The following MATN1 variants were observed in gnomAD, a reference collection of about 807,000 sequenced individuals.
The protein encoded by MATN1 is matrilin 1, also known as matrilin-1.
In MATN1, 34 loss-of-function variants were observed where a neutral mutation model predicts 41.3. The observed-to-expected ratio is 0.82, with a 90% CI of 0.63 to 1.10. The LOEUF (loss-of-function observed/expected upper bound fraction) is 1.10. MATN1 is among the 50% of genes least tolerant of loss of function. The pLI is 0.00. For missense variants in MATN1, 602 were observed against 662.4 expected (o/e 0.91, Z 1.00); for synonymous variants, 264 against 278.7 (o/e 0.95, Z 0.53).
rs1195707169 is a variant in MATN1, at chr1:30,713,226, CAG to C, written c.*354_*355del. On this transcript the variant is annotated 3_prime_UTR_variant, in exon 8 of 8. Transcript: ENST00000373765. ...AATCAGTAAAGAAATTCACAGCACT[CAG>C]AGTCAAGAAAGGGTTAACTAAAAAA... is the stretch of plus-strand genomic sequence containing the variant. 3.9e-5 allele frequency: 10 copies of C among 254,468 alleles called. No individual in the cohort carries two copies. Among genetic ancestry groups the C allele is most frequent in the African/African-American group, 2.0e-4 (9 of 45,606 alleles). The allele number at this position is 254,468 out of a possible 1,614,324, so 15.8% of individuals were successfully genotyped here.
chr1:30,717,641 G>GTTTTTT lies in MATN1; in HGVS notation c.665-727_665-726insAAAAAA, dbSNP rs1557450696. ...GGGCTCTGTTGTTTTTTGTGTGTGC[G>GTTTTTT]GTTTTTTTTTTTGTTTTGTTTTTTT... is the stretch of plus-strand genomic sequence containing the variant. On this transcript the variant is annotated intron_variant, in intron 3 of 7. Coordinates refer to ENST00000373765, the MANE Select transcript of MATN1 (RefSeq NM_002379.3). Among the ~76,000 whole-genome samples, 35 of 136,828 alleles carry GTTTTTT rather than the reference G, an allele frequency of 2.6e-4. 2 individuals carry two copies. Among genetic ancestry groups the GTTTTTT allele is most frequent in the African/African-American group, 1.0e-3 (34 of 33,920 alleles). 89.8% of individuals were successfully genotyped at this position (136,828 alleles called of 152,430 possible).
In MATN1 at chr1:30,715,238, C is replaced by T. The variant is rs1639600827; in HGVS notation, c.1279G>A (p.Val427Met). The T allele has an allele frequency of 6.2e-7, 1 of 1,614,120 alleles. No homozygotes were observed. Among genetic ancestry groups the T allele is most frequent in the South Asian group, 1.1e-5 (1 of 91,096 alleles). The change falls in exon 6 of 8, where the codon GTG (valine) becomes ATG (methionine). Residue 427 changes from valine to methionine, a missense_variant. Val to Met is a conservative substitution (Grantham distance 21). Coordinates refer to ENST00000373765, the MANE Select transcript of MATN1 (RefSeq NM_002379.3). ...GCCGTGTAGAAGTAGTGCTCTGCCA[C>T]AGGCTCTGAGGCTATTTCCCTCAGC... is the stretch of plus-strand genomic sequence containing the variant. Reference protein sequence around the residue: ...DELREIASEPVAEHYFYTADF... With the variant: ...DELREIASEPMAEHYFYTADF...
rs1348155908 is a variant in MATN1 at position 30,714,347 on chromosome 1, G to C, written c.1361-20C>G. The C allele has an allele frequency of 6.3e-7, 1 of 1,595,148 alleles. No individual in the cohort carries two copies. Among genetic ancestry groups the C allele is most frequent in the Non-Finnish European group, 8.6e-7 (1 of 1,167,830 alleles). On this transcript the variant is annotated intron_variant, in intron 6 of 7. Transcript: ENST00000373765. ...CTTCCTCTGCAGGGGACAAGGAGGA[G>C]GGAAAGAGAAAGGAACTGTTGAGTG...
In MATN1 at chr1:30,713,403, GCACACATACACACACGCACACATA is replaced by G; in HGVS notation, c.*155_*178del. 1.6e-6 allele frequency: 1 copy of G among 621,308 alleles called. No homozygotes were observed. Among genetic ancestry groups the G allele is most frequent in the Non-Finnish European group, 2.9e-6 (1 of 340,552 alleles). 38.5% of individuals were successfully genotyped at this position (621,308 alleles called of 1,614,324 possible). A position where few individuals can be genotyped will look rare whatever the true frequency, so the allele number is the denominator to read the frequency against. On this transcript the variant is annotated 3_prime_UTR_variant, in exon 8 of 8. Coordinates refer to ENST00000373765, the MANE Select transcript of MATN1 (RefSeq NM_002379.3). ...CACACACACACACACACACACACAT[GCACACATACACACACGCACACATA>G]CACACACGAGCTCCCAAACGCCATT...
At chr1:30,715,847 G>A (rs1302643358) in intron 5 of MATN1, 62 bp downstream of exon 5, 9 of 1,524,174 alleles carry the variant, frequency 5.9e-6, no homozygotes, top group Non-Finnish European at 7.1e-6. Flanking sequence ...CTACAGTTGG[G>A]CTATACCCGT....
At chr1:30,723,306 C>G in intron 1 of MATN1, 152 bp downstream of exon 1, 1 of 563,136 alleles carries the variant, frequency 1.8e-6, no homozygotes. Context: ...TCCCTGTCTG[C>G]TCCTGCACCA....
At chr1:30,716,689 C>T (rs772558930) in intron 4 of MATN1, 101 bp downstream of exon 4, 11 of 1,474,434 alleles carry the variant, frequency 7.5e-6, no homozygotes, top group Non-Finnish European at 1.0e-5. Context: ...AAGATTGGTT[C>T]AGAGGTATGG....
Position 30,713,550 on chromosome 1 carries a change from G to A in MATN1, c.*32C>T, listed in dbSNP as rs934196317. ...AAGCTACGGCGGACACGTGCAGGACGCTTGGAGAGGCCACAGTGGTGACAG... is the reference window on the plus strand; with the variant it reads ...AAGCTACGGCGGACACGTGCAGGACACTTGGAGAGGCCACAGTGGTGACAG... On this transcript the variant is annotated 3_prime_UTR_variant, in exon 8 of 8. Transcript: ENST00000373765. 11 of 1,551,670 alleles carry A rather than the reference G, an allele frequency of 7.1e-6. No homozygotes were observed. The highest frequency in any genetic ancestry group is 2.4e-5 in the East Asian group (1 of 41,014).
rs538166692 is a variant in MATN1 at position 30,719,022 on chromosome 1, G to C, written c.442-65C>G. 1,241 of 1,237,426 alleles carry C rather than the reference G, an allele frequency of 1.0e-3. 1 individual carries two copies. The highest frequency in any genetic ancestry group is 1.2e-3 in the Non-Finnish European group (1,096 of 944,534). The allele number at this position is 1,237,426 out of a possible 1,614,324, so 76.7% of individuals were successfully genotyped here. On this transcript the variant is annotated intron_variant, in intron 2 of 7. Transcript: ENST00000373765. Reference sequence around the variant, plus strand: ...GCCCACGGGACTGTCCAGGAGAGGAGGCTGAGGCCCGGAGAGGCGGGAGGA... The same window carrying C: ...GCCCACGGGACTGTCCAGGAGAGGACGCTGAGGCCCGGAGAGGCGGGAGGA...
intron 1 of MATN1, among the ~76,000 whole-genome samples, chr1:30,722,413 C>T (rs1364938015): frequency 2.0e-5 from 3 of 152,260 alleles, no homozygotes; most frequent in African/African-American, 7.2e-5. Flanking sequence ...ATCAGGTGCA[C>T]ACCAAGACAC....
chr1:30,721,525 A>G lies in MATN1; in HGVS notation c.321T>C (p.Ala107=), dbSNP rs539127231. 1.9e-6 allele frequency: 3 copies of G among 1,613,274 alleles called. No homozygotes were observed. The highest frequency in any genetic ancestry group is 2.5e-6 in the Non-Finnish European group (3 of 1,180,042). Residue 107 remains alanine (A), a synonymous_variant, in exon 2 of 8, where the codon GCT becomes GCC. Transcript: ENST00000373765. The part of the protein sequence containing the change: ...AHVSKAALLQ[A]VRRIQPLSTG... Reference sequence around the variant, plus strand: ...TGGACAGCGGCTGGATACGGCGCACAGCCTGCAGCAGTGCGGCCTTGGAGA... The same window carrying G: ...TGGACAGCGGCTGGATACGGCGCACGGCCTGCAGCAGTGCGGCCTTGGAGA...
Position 30,716,069 on chromosome 1 carries a change from C to A in MATN1, c.1047G>T (p.Glu349Asp), listed in dbSNP as rs1639614919. 6.2e-7 allele frequency: 1 copy of A among 1,614,118 alleles called. No individual in the cohort carries two copies. The highest frequency in any genetic ancestry group is 1.7e-5 in the Admixed American group (1 of 60,008). The change falls in exon 5 of 8, where the codon GAG becomes GAT. Residue 349 changes from glutamate (E) to aspartate (D), a missense_variant. Glu to Asp is a conservative substitution (Grantham distance 45). Transcript: ENST00000373765. ...KAAVRNMSYM[E>D]KGTMTGAALK... is the part of the protein sequence containing the mutation. ...GAGCAGCCCCAGTCATTGTGCCCTTCTCCATGTAGGACATATTCCGCACAG... is the reference window on the plus strand; with the variant it reads ...GAGCAGCCCCAGTCATTGTGCCCTTATCCATGTAGGACATATTCCGCACAG...
rs187816379 is a variant in MATN1, at chr1:30,714,366, T to C, written c.1361-39A>G. ...GGAGGAGGGAAAGAGAAAGGAACTGTTGAGTGGCTGCCCAGGAGGAGGGAG... is the reference window on the plus strand; with the variant it reads ...GGAGGAGGGAAAGAGAAAGGAACTGCTGAGTGGCTGCCCAGGAGGAGGGAG... On this transcript the variant is annotated intron_variant, in intron 6 of 7. Coordinates refer to ENST00000373765, the MANE Select transcript of MATN1 (RefSeq NM_002379.3). 963 of 1,533,784 alleles carry C rather than the reference T, an allele frequency of 6.3e-4. 2 individuals are homozygous for C. Among genetic ancestry groups the C allele is most frequent in the Admixed American group, 9.4e-4 (52 of 55,192 alleles).
chr1:30,722,728 G>A (rs966000597), intron 1 of MATN1, among the ~76,000 whole-genome samples: 3 of 152,230 alleles, frequency 2.0e-5, no homozygotes, highest in Admixed American at 6.5e-5. Flanking sequence ...GGGGAAACGT[G>A]CAGGGCCGTC....
rs779764356 is a variant in MATN1 at position 30,718,965 on chromosome 1, A to G, written c.442-8T>C. The G allele has an allele frequency of 6.7e-7, 1 of 1,491,044 alleles. No individual in the cohort carries two copies. The highest frequency in any genetic ancestry group is 8.9e-7 in the Non-Finnish European group (1 of 1,120,484). 92.4% of individuals were successfully genotyped at this position (1,491,044 alleles called of 1,614,324 possible). A position where few individuals can be genotyped will look rare whatever the true frequency, so the allele number is the denominator to read the frequency against. On this transcript the variant is annotated splice_region_variant and splice_polypyrimidine_tract_variant and intron_variant, in intron 2 of 7. Coordinates refer to ENST00000373765, the MANE Select transcript of MATN1 (RefSeq NM_002379.3). Reference sequence around the variant, plus strand: ...TGTCACCACGATGACCACCTGCGACACGCGGGGCGGTGTGACACCGGGCTC... The same window carrying G: ...TGTCACCACGATGACCACCTGCGACGCGCGGGGCGGTGTGACACCGGGCTC...
Position 30,721,553 on chromosome 1 carries a change from T to C in MATN1, c.293A>G (p.His98Arg), listed in dbSNP as rs773408276. ...TVKQEFSLRA[H>R]VSKAALLQAV... ...CTGCAGCAGTGCGGCCTTGGAGACA[T>C]GAGCCCGCAGCGAGAACTCCTGCTT... is the stretch of plus-strand genomic sequence containing the variant. The change falls in exon 2 of 8, where the codon CAT (histidine) becomes CGT (arginine). Residue 98 changes from histidine to arginine, a missense_variant. Coordinates refer to ENST00000373765, the MANE Select transcript of MATN1 (RefSeq NM_002379.3). 6.2e-7 allele frequency: 1 copy of C among 1,613,256 alleles called. No individual in the cohort carries two copies. The highest frequency in any genetic ancestry group is 8.5e-7 in the Non-Finnish European group (1 of 1,180,018).
rs542638247 is a variant in MATN1, at chr1:30,715,216, G to T, written c.1301C>A (p.Thr434Lys). ...SEPVAEHYFY[T>K]ADFKTINQIG... is the part of the protein sequence containing the mutation. ...CTGGTTGATGGTCTTGAAGTCAGCC[G>T]TGTAGAAGTAGTGCTCTGCCACAGG... Residue 434 changes from threonine to lysine, a missense_variant, in exon 6 of 8, where the codon ACG becomes AAG. Coordinates refer to ENST00000373765, the MANE Select transcript of MATN1 (RefSeq NM_002379.3). 6.2e-6 allele frequency: 10 copies of T among 1,614,194 alleles called. No homozygotes were observed. Among genetic ancestry groups the T allele is most frequent in the African/African-American group, 2.7e-5 (2 of 75,044 alleles).
intron 1 of MATN1, among the ~76,000 whole-genome samples, chr1:30,722,913 G>T (rs1639714721): frequency 6.6e-6 from 1 of 152,218 alleles, no homozygotes; most frequent in South Asian, 2.1e-4. Context: ...ACACCGTACA[G>T]CAGTAGATCA....
intron 1 of MATN1, among the ~76,000 whole-genome samples, chr1:30,722,065 G>A (rs745570996): frequency 1.5e-4 from 21 of 142,450 alleles, no homozygotes; most frequent in Admixed American, 6.2e-4. Flanking sequence ...GATGTTTTGA[G>A]GAGCCAGCAG....
Sources: allele counts gnomAD v4.1 joint callset (sites outside exome capture counted in the v4.1 genomes callset), GRCh38; gene constraint gnomAD v4.1.1; transcripts MANE v1.5; gene names NCBI Gene and HGNC (gene_info 2026-07-23, HGNC 2026-07-21).